CFAP61: variants seen among roughly 807,000 people sequenced by gnomAD.
The protein encoded by CFAP61 is cilia- and flagella-associated protein 61.
In CFAP61, 107 loss-of-function variants were observed where a neutral mutation model predicts 135.6. That is an observed-to-expected ratio of 0.79 (90% CI 0.67 to 0.93). CFAP61 has a LOEUF of 0.93. CFAP61 is among the 40% of genes least tolerant of loss of function. The pLI, the probability that CFAP61 is intolerant of heterozygous loss-of-function variation, is 0.00. For missense variants in CFAP61, 1,507 were observed against 1,556.2 expected, an observed-to-expected ratio of 0.97 and a Z score of 0.53; for synonymous variants, 575 against 578.5, an observed-to-expected ratio of 0.99 and a Z score of 0.09.
chr20:20,206,473 ATCTC>A (rs930835303), intron 17 of CFAP61, among the ~76,000 whole-genome samples: 2 of 152,066 alleles, frequency 1.3e-5, no homozygotes, highest in Non-Finnish European at 2.9e-5. Context: ...AGTCTACTTA[ATCTC>A]TCTATGAACT....
intron 13 of CFAP61, among the ~76,000 whole-genome samples, chr20:20,179,016 T>A (rs2054848884): frequency 6.6e-6 from 1 of 152,164 alleles, no homozygotes; most frequent in Admixed American, 6.5e-5. Flanking sequence ...TTTTATTTAC[T>A]GGTATTAAAA....
intron 9 of CFAP61, among the ~76,000 whole-genome samples, chr20:20,145,741 A>T (rs2051825060): frequency 6.6e-6 from 1 of 152,244 alleles, no homozygotes; most frequent in Non-Finnish European, 1.5e-5. Flanking sequence ...TACTAATTTC[A>T]GACAAAGTAG....
intron 25 of CFAP61, among the ~76,000 whole-genome samples, chr20:20,317,351 T>C (rs2057195130): frequency 6.6e-6 from 1 of 152,160 alleles, no homozygotes; most frequent in Non-Finnish European, 1.5e-5. Context: ...AGCTCCTCTC[T>C]CTGCCCTGGG....
At chr20:20,258,676 G>A (rs763369490) in intron 20 of CFAP61, 7 of 152,166 alleles carry the variant, frequency 4.6e-5, no homozygotes, top group Non-Finnish European at 1.0e-4. Flanking sequence ...ACAGCTTTCC[G>A]ATAGAGTGAA....
chr20:20,274,716 A>T (rs1435452567), intron 21 of CFAP61, among the ~76,000 whole-genome samples: 1 of 152,166 alleles, frequency 6.6e-6, no homozygotes, highest in Non-Finnish European at 1.5e-5. Context: ...CAAGAATAGT[A>T]GGCCATCTTA....
rs1281605999 is a variant in CFAP61, at chr20:20,298,345, G to T, written c.3381G>T (p.Leu1127=). 6.2e-7 allele frequency: 1 copy of T among 1,614,176 alleles called. No individual in the cohort carries two copies. Among genetic ancestry groups the T allele is most frequent in the South Asian group, 1.1e-5 (1 of 91,082 alleles). ...AGCACGAGCAACTCCTCAACAACCT[G>T]TGTGCTCGGTACGATGAAAACCTGA... The part of the protein sequence containing the change: ...FGQHEQLLNN[L]CARYDENLIT... The change falls in exon 25 of 27, where the codon CTG becomes CTT. Residue 1127 remains leucine (L), a synonymous_variant. Transcript: ENST00000245957.
chr20:20,264,777 A>G (rs1458832685), intron 21 of CFAP61, among the ~76,000 whole-genome samples: 1 of 152,222 alleles, frequency 6.6e-6, no homozygotes, highest in African/African-American at 2.4e-5. Context: ...CTGTAGTCCC[A>G]GCTACCTGGG....
At chr20:20,134,888 C>G (rs1266234418) in intron 8 of CFAP61, among the ~76,000 whole-genome samples, 1 of 152,032 alleles carries the variant, frequency 6.6e-6, no homozygotes, top group East Asian at 1.9e-4. Flanking sequence ...TTCAGTCAGC[C>G]ACAGGTGCCT....
chr20:20,290,366 A>T lies in CFAP61; in HGVS notation c.3191A>T (p.Glu1064Val). Residue 1064 changes from glutamate to valine, a missense_variant, in exon 24 of 27, where the codon GAG becomes GTG. By Grantham distance (121) the Glu-to-Val change is moderately radical. Coordinates refer to ENST00000245957, the MANE Select transcript of CFAP61 (RefSeq NM_015585.4). ...AAGCCTGCCATTCCAACTCCCTTGG[A>T]GGTACAAATGGCACAGCCTAATTAT... ...IAKPAIPTPLEVQMAQPNYGL... is the reference protein window; with the variant it reads ...IAKPAIPTPLVVQMAQPNYGL... The T allele has an allele frequency of 6.2e-7, 1 of 1,610,316 alleles. No individual in the cohort carries two copies.
In CFAP61 at chr20:20,052,607, C is replaced by T. The variant is rs370706858; in HGVS notation, c.-37+16C>T. On this transcript the variant is annotated intron_variant, in intron 1 of 26. Coordinates refer to ENST00000245957, the MANE Select transcript of CFAP61 (RefSeq NM_015585.4). ...TGCGGATGAGGTGGGTAACGCCGTGCTGACTAGCAGCGACGCAAGGACTGC... is the reference window on the plus strand; with the variant it reads ...TGCGGATGAGGTGGGTAACGCCGTGTTGACTAGCAGCGACGCAAGGACTGC... 5.3e-5 allele frequency: 85 copies of T among 1,613,634 alleles called. 1 individual carries two copies. The Middle Eastern group carries it at 4.1e-3, about 78-fold the overall frequency.
In CFAP61 at chr20:20,052,598, A is replaced by G. The variant is rs2273057; in HGVS notation, c.-37+7A>G. ...TCCTGGAGCTGCGGATGAGGTGGGT[A>G]ACGCCGTGCTGACTAGCAGCGACGC... On this transcript the variant is annotated splice_region_variant and intron_variant, in intron 1 of 26. Transcript: ENST00000245957. 6.2e-7 allele frequency: 1 copy of G among 1,613,380 alleles called. No individual in the cohort carries two copies. Among genetic ancestry groups the G allele is most frequent in the African/African-American group, 1.3e-5 (1 of 74,884 alleles).
At chr20:20,166,870 A>C (rs1444815981) in intron 12 of CFAP61, among the ~76,000 whole-genome samples, 1 of 152,190 alleles carries the variant, frequency 6.6e-6, no homozygotes, top group Non-Finnish European at 1.5e-5. Flanking sequence ...CTCAGGCCTG[A>C]CTTCATGCCT....
At chr20:20,329,431 T>C (rs1000606923) in intron 25 of CFAP61, among the ~76,000 whole-genome samples, 2 of 152,150 alleles carry the variant, frequency 1.3e-5, no homozygotes, top group East Asian at 1.9e-4. Context: ...GCAGATCTTT[T>C]TCCTTCACTC....
intron 6 of CFAP61, among the ~76,000 whole-genome samples, chr20:20,082,393 T>G (rs1481880432): frequency 1.3e-5 from 2 of 152,354 alleles, no homozygotes; most frequent in East Asian, 3.9e-4. Flanking sequence ...AATCTGCCCA[T>G]CTACTTAGAC....
intron 1 of CFAP61, among the ~76,000 whole-genome samples, chr20:20,054,018 T>TG (rs1568779094): frequency 5.9e-5 from 7 of 119,244 alleles, no homozygotes; most frequent in Admixed American, 1.8e-4. Flanking sequence ...TGTTTGTTTT[T>TG]TTTTTTTTTT....
At position 20,298,233 on chromosome 20, in the gene CFAP61, A is replaced by G. The variant is rs116764306; in HGVS notation, c.3269A>G (p.His1090Arg). ...SAKNGTYFRI[H>R]INKYKMVETI... is the part of the protein sequence containing the mutation. Reference sequence around the variant, plus strand: ...AAAAATGGGACTTACTTCCGAATTCATATTAACAAGTATAAAATGGTGGAA... The same window carrying G: ...AAAAATGGGACTTACTTCCGAATTCGTATTAACAAGTATAAAATGGTGGAA... Residue 1090 changes from histidine to arginine, a missense_variant, in exon 25 of 27, where the codon CAT (histidine) becomes CGT (arginine). His to Arg is a conservative substitution (Grantham distance 29, BLOSUM62 0). Transcript: ENST00000245957. The G allele has an allele frequency of 7.9e-4, 1,270 of 1,614,184 alleles. 3 individuals are homozygous for G. The highest frequency in any genetic ancestry group is 9.9e-4 in the Middle Eastern group (6 of 6,062).
At chr20:20,080,778 C>T (rs1052250026) in intron 6 of CFAP61, among the ~76,000 whole-genome samples, 1 of 151,976 alleles carries the variant, frequency 6.6e-6, no homozygotes, top group East Asian at 1.9e-4. Flanking sequence ...CTGAGGCAGG[C>T]AGATCACGAG....
At chr20:20,189,461 C>T (rs556244395) in intron 14 of CFAP61, among the ~76,000 whole-genome samples, 161 of 123,276 alleles carry the variant, frequency 1.3e-3, no homozygotes, top group Middle Eastern at 5.6e-3. Flanking sequence ...GTACTTACGA[C>T]GCATAAGTAC....
chr20:20,150,533 C>A (rs139255389), intron 9 of CFAP61, among the ~76,000 whole-genome samples: 3 of 152,336 alleles, frequency 2.0e-5, no homozygotes, highest in African/African-American at 7.2e-5. Context: ...CCTGAAACAT[C>A]CTGGATAACC....
Sources: allele counts gnomAD v4.1 joint callset (sites outside exome capture counted in the v4.1 genomes callset), GRCh38; gene constraint gnomAD v4.1.1; transcripts MANE v1.5; gene names NCBI Gene and HGNC (gene_info 2026-07-23, HGNC 2026-07-21).